Variants in EPB41L2 observed in about 807,000 individuals in gnomAD.
The protein encoded by EPB41L2 is band 4.1-like protein 2.
A neutral mutation model predicts 113.0 loss-of-function variants in EPB41L2; 43 were observed. That is an observed-to-expected ratio of 0.38 (90% CI 0.30 to 0.49). EPB41L2 has a LOEUF of 0.49. Ranked by LOEUF, EPB41L2 falls within the 20% of genes least tolerant of loss-of-function variation. The pLI is 0.95. For missense variants in EPB41L2, 1,147 were observed against 1,223.4 expected, an observed-to-expected ratio of 0.94 and a Z score of 0.93; for synonymous variants, 442 against 436.7, an observed-to-expected ratio of 1.01 and a Z score of -0.15.
intron 1 of EPB41L2, among the ~76,000 whole-genome samples, chr6:131,060,931 A>C (rs1798528435): frequency 6.6e-6 from 1 of 152,216 alleles, no homozygotes; most frequent in Non-Finnish European, 1.5e-5. Flanking sequence ...TTTTTACAAA[A>C]GTTAGGAAAA....
intron 1 of EPB41L2, among the ~76,000 whole-genome samples, chr6:130,969,812 A>G (rs1776304321): frequency 6.6e-6 from 1 of 152,248 alleles, no homozygotes; most frequent in East Asian, 1.9e-4. Flanking sequence ...AACCTTACAT[A>G]GTCCTCACTG....
chr6:131,029,410 A>C (rs1275542681), intron 1 of EPB41L2, among the ~76,000 whole-genome samples: 4 of 151,532 alleles, frequency 2.6e-5, no homozygotes, highest in Non-Finnish European at 5.9e-5. Flanking sequence ...AAAAAAAAAA[A>C]AAAAGCATGC....
chr6:130,942,829 C>T (rs981814214), intron 3 of EPB41L2, among the ~76,000 whole-genome samples: 3 of 152,154 alleles, frequency 2.0e-5, no homozygotes, highest in Non-Finnish European at 4.4e-5. Flanking sequence ...TCAACTCCCA[C>T]TTATGAGTGA....
At chr6:130,998,098 T>C (rs1467734807) in intron 1 of EPB41L2, among the ~76,000 whole-genome samples, 1 of 152,202 alleles carries the variant, frequency 6.6e-6, no homozygotes, top group Non-Finnish European at 1.5e-5. Context: ...GACCACTCTA[T>C]GAGAAATGTA....
chr6:130,994,528 C>A (rs1782619103), intron 1 of EPB41L2, among the ~76,000 whole-genome samples: 1 of 152,122 alleles, frequency 6.6e-6, no homozygotes, highest in African/African-American at 2.4e-5. Flanking sequence ...AAGACAGGGC[C>A]TCCAGATGCA....
At chr6:131,024,812 A>C (rs1348630579) in intron 1 of EPB41L2, among the ~76,000 whole-genome samples, 2 of 152,224 alleles carry the variant, frequency 1.3e-5, no homozygotes, top group Non-Finnish European at 2.9e-5. Context: ...AAAAAAGGTT[A>C]GCTTCTAGAA....
intron 19 of EPB41L2, among the ~76,000 whole-genome samples, chr6:130,857,926 A>G (rs1177377888): frequency 6.6e-6 from 1 of 152,074 alleles, no homozygotes; most frequent in African/African-American, 2.4e-5. Context: ...CCCTCAATAA[A>G]TCAGAGTTAT....
intron 1 of EPB41L2, among the ~76,000 whole-genome samples, chr6:131,032,510 T>C (rs1343546704): frequency 6.6e-6 from 1 of 152,144 alleles, no homozygotes; most frequent in African/African-American, 2.4e-5. Flanking sequence ...TACTTTAATC[T>C]CAAGAACCAG....
intron 14 of EPB41L2, among the ~76,000 whole-genome samples, chr6:130,874,891 C>T (rs1786996559): frequency 6.6e-6 from 1 of 152,154 alleles, no homozygotes; most frequent in East Asian, 1.9e-4. Context: ...CCAAGGACAT[C>T]ACTTTAAATT....
chr6:130,950,522 T>TA (rs889514046), intron 3 of EPB41L2, among the ~76,000 whole-genome samples: 2 of 151,726 alleles, frequency 1.3e-5, no homozygotes, highest in Non-Finnish European at 2.9e-5. Context: ...ATCAACGATT[T>TA]AAAAAAAACA....
At chr6:130,929,361 ACTTTTTACTT>A (rs1805910570) in intron 3 of EPB41L2, among the ~76,000 whole-genome samples, 1 of 152,048 alleles carries the variant, frequency 6.6e-6, no homozygotes, top group Non-Finnish European at 1.5e-5. Context: ...TATAGAGCTT[ACTTTTTACTT>A]CGGATGTTTA....
At chr6:130,954,043 T>TCTTTC (rs201259465) in intron 3 of EPB41L2, among the ~76,000 whole-genome samples, 2 of 37,138 alleles carry the variant, frequency 5.4e-5, no homozygotes, top group Non-Finnish European at 9.0e-5. Context: ...TTTCTTTCTT[T>TCTTTC]TTTTTTTTTT....
At chr6:130,842,421 ACACCTTCAGT>A (rs1775805472) in intron 19 of EPB41L2, among the ~76,000 whole-genome samples, 4 of 152,188 alleles carry the variant, frequency 2.6e-5, no homozygotes, top group Non-Finnish European at 5.9e-5. Context: ...CAGTTATATG[ACACCTTCAGT>A]CATGGAACCT....
chr6:130,893,030 A>G (rs1349604688), intron 10 of EPB41L2, among the ~76,000 whole-genome samples: 2 of 152,234 alleles, frequency 1.3e-5, no homozygotes, highest in Non-Finnish European at 2.9e-5. Context: ...GAGGAAACGG[A>G]GAAAACAAAG....
chr6:130,883,928 T>C (rs1317195845), intron 12 of EPB41L2, among the ~76,000 whole-genome samples: 1 of 152,210 alleles, frequency 6.6e-6, no homozygotes, highest in East Asian at 1.9e-4. Flanking sequence ...ACCTTCTCCA[T>C]GCTGGGCCTC....
chr6:131,058,995 GAC>G (rs748953739), intron 1 of EPB41L2, among the ~76,000 whole-genome samples: 15 of 152,030 alleles, frequency 9.9e-5, no homozygotes, highest in Non-Finnish European at 2.1e-4. Flanking sequence ...CAGCCTGAAC[GAC>G]AGAGTGAAAC....
intron 18 of EPB41L2, among the ~76,000 whole-genome samples, chr6:130,861,422 T>C (rs1407742910): frequency 6.6e-6 from 1 of 152,224 alleles, no homozygotes; most frequent in African/African-American, 2.4e-5. Flanking sequence ...GTCAATGTTA[T>C]GAAGGTCACT....
intron 14 of EPB41L2, among the ~76,000 whole-genome samples, chr6:130,877,395 G>A (rs887107554): frequency 3.3e-5 from 5 of 152,154 alleles, no homozygotes; most frequent in Non-Finnish European, 5.9e-5. Flanking sequence ...ATAACAGGAG[G>A]GATTTGGAAG....
intron 7 of EPB41L2, among the ~76,000 whole-genome samples, chr6:130,899,895 A>G (rs949127815): frequency 4.6e-5 from 7 of 152,348 alleles, no homozygotes; most frequent in Non-Finnish European, 7.3e-5. Context: ...CTGGAGAATA[A>G]AAAACAGTGA....
Sources: allele counts gnomAD v4.1 joint callset (sites outside exome capture counted in the v4.1 genomes callset), GRCh38; gene constraint gnomAD v4.1.1; transcripts MANE v1.5; gene names NCBI Gene and HGNC (gene_info 2026-07-23, HGNC 2026-07-21).